Variants in GRM5 observed in about 807,000 individuals in gnomAD.
GRM5 encodes metabotropic glutamate receptor 5.
GRM5 carries 19 observed loss-of-function variants against 83.1 expected under a neutral mutation model. The observed-to-expected ratio is 0.23, with a 90% CI of 0.16 to 0.34. The LOEUF (loss-of-function observed/expected upper bound fraction) is 0.34, where lower values mean the gene tolerates loss of function less well. GRM5 is among the 10% of genes least tolerant of loss of function. The probability of loss-of-function intolerance (pLI) is 1.00; values close to 1 mark genes in which losing one functional copy is unlikely to be tolerated. For missense variants in GRM5, 1,160 were observed against 1,588.3 expected (o/e 0.73, Z 4.58); for synonymous variants, 675 against 633.6 (o/e 1.07, Z -0.98).
intron 2 of GRM5, among the ~76,000 whole-genome samples, chr11:88,982,012 T>C (rs1054753742): frequency 2.6e-5 from 4 of 152,232 alleles, no homozygotes; most frequent in Admixed American, 6.5e-5. Flanking sequence ...CAATTTATTA[T>C]GATGTATTGC....
intron 2 of GRM5, among the ~76,000 whole-genome samples, chr11:88,937,199 G>A (rs1937929309): frequency 6.6e-6 from 1 of 151,504 alleles, no homozygotes; most frequent in African/African-American, 2.4e-5. Flanking sequence ...CTTAACATGT[G>A]GAAATGTTCT....
chr11:88,727,403 A>C (rs1055561662), intron 3 of GRM5, among the ~76,000 whole-genome samples: 1 of 152,140 alleles, frequency 6.6e-6, no homozygotes, highest in African/African-American at 2.4e-5. Flanking sequence ...CTAAGAGACC[A>C]ACAAAGAGAC....
intron 4 of GRM5, among the ~76,000 whole-genome samples, chr11:88,611,145 A>G (rs1304118163): frequency 2.6e-5 from 4 of 152,108 alleles, no homozygotes; most frequent in South Asian, 2.1e-4. Context: ...TTTTGCATCT[A>G]TGTTCATCAG....
chr11:88,804,014 A>G (rs1158827510), intron 3 of GRM5, among the ~76,000 whole-genome samples: 1 of 151,268 alleles, frequency 6.6e-6, no homozygotes, highest in Non-Finnish European at 1.5e-5. Context: ...TAGAATGGCA[A>G]TCATTAAAAA....
intron 6 of GRM5, among the ~76,000 whole-genome samples, chr11:88,591,231 A>G (rs1937633841): frequency 6.6e-6 from 1 of 152,254 alleles, no homozygotes; most frequent in African/African-American, 2.4e-5. Flanking sequence ...TATTGGGTAG[A>G]ACATAGCAAA....
At chr11:88,992,190 T>C (rs1284742588) in intron 2 of GRM5, among the ~76,000 whole-genome samples, 4 of 151,902 alleles carry the variant, frequency 2.6e-5, no homozygotes, top group African/African-American at 7.3e-5. Flanking sequence ...AACAACTCCA[T>C]CAAAAAGTGG....
At chr11:88,726,343 A>G (rs140950016) in intron 3 of GRM5, among the ~76,000 whole-genome samples, 3,179 of 152,294 alleles carry the variant, frequency 0.021, 106 homozygotes, top group African/African-American at 0.071. Flanking sequence ...TAGAGAAAAA[A>G]GAATGAAAAG....
At chr11:88,632,639 T>G (rs1391475936) in intron 4 of GRM5, among the ~76,000 whole-genome samples, 1 of 152,188 alleles carries the variant, frequency 6.6e-6, no homozygotes, top group Admixed American at 6.5e-5. Context: ...AATATTTAGG[T>G]TTTTTGGCGT....
chr11:88,864,547 C>T (rs1944626457), intron 2 of GRM5, among the ~76,000 whole-genome samples: 1 of 151,940 alleles, frequency 6.6e-6, no homozygotes, highest in South Asian at 2.1e-4. Context: ...GCTGAAGTTG[C>T]TTATTAGCAT....
At chr11:88,573,370 C>T (rs1003943170) in intron 7 of GRM5, among the ~76,000 whole-genome samples, 1 of 152,082 alleles carries the variant, frequency 6.6e-6, no homozygotes, top group African/African-American at 2.4e-5. Flanking sequence ...GTTAGTTTTG[C>T]AGTATTAATA....
chr11:88,987,920 C>T (rs904343444), intron 2 of GRM5, among the ~76,000 whole-genome samples: 14 of 150,628 alleles, frequency 9.3e-5, no homozygotes, highest in African/African-American at 3.5e-4. Flanking sequence ...AAAAACAGAA[C>T]AGAAAAACTG....
At chr11:88,576,532 AT>A (rs1565345790) in intron 7 of GRM5, among the ~76,000 whole-genome samples, 1 of 152,128 alleles carries the variant, frequency 6.6e-6, no homozygotes, top group Non-Finnish European at 1.5e-5. Context: ...CATGCCCTTC[AT>A]TTTCAGCTTG....
intron 2 of GRM5, among the ~76,000 whole-genome samples, chr11:88,877,678 C>G (rs1944879865): frequency 6.6e-6 from 1 of 151,822 alleles, no homozygotes; most frequent in Non-Finnish European, 1.5e-5. Context: ...TGAAAATTAG[C>G]TGGGCATGGT....
chr11:88,732,315 C>T (rs1257592474), intron 3 of GRM5, among the ~76,000 whole-genome samples: 1 of 152,016 alleles, frequency 6.6e-6, no homozygotes, highest in Non-Finnish European at 1.5e-5. Context: ...ACCAATGAAC[C>T]TATGTCCAAA....
intron 4 of GRM5, among the ~76,000 whole-genome samples, chr11:88,631,083 C>A (rs1164002950): frequency 1.3e-5 from 2 of 152,084 alleles, no homozygotes; most frequent in African/African-American, 4.8e-5. Flanking sequence ...AAACACTAGG[C>A]CAACCATGAG....
intron 2 of GRM5, among the ~76,000 whole-genome samples, chr11:88,860,559 C>A (rs1309865707): frequency 6.6e-6 from 1 of 152,164 alleles, no homozygotes; most frequent in Non-Finnish European, 1.5e-5. Context: ...AAATCCTCTA[C>A]AGCGCAGCCA....
chr11:88,629,723 C>T (rs1436223327), intron 4 of GRM5, among the ~76,000 whole-genome samples: 1 of 152,164 alleles, frequency 6.6e-6, no homozygotes, highest in African/African-American at 2.4e-5. Context: ...ACTTCCATGA[C>T]TTACTCTTTG....
chr11:88,924,491 G>T (rs1945752868), intron 2 of GRM5, among the ~76,000 whole-genome samples: 1 of 151,968 alleles, frequency 6.6e-6, no homozygotes, highest in Non-Finnish European at 1.5e-5. Flanking sequence ...AGGCAATCCT[G>T]CCATTTGCAA....
chr11:88,981,034 A>T (rs1939502854), intron 2 of GRM5, among the ~76,000 whole-genome samples: 1 of 152,168 alleles, frequency 6.6e-6, no homozygotes. Flanking sequence ...AGTTTTTTAA[A>T]AAAATCTATG....
Sources: gnomAD v4.1 joint callset for allele counts (sites outside exome capture counted in the v4.1 genomes callset) on GRCh38, gnomAD v4.1.1 for gene constraint, MANE v1.5 for transcripts, NCBI Gene and HGNC (gene_info 2026-07-23, HGNC 2026-07-21) for gene names.